POU5F1: variants seen among roughly 807,000 people sequenced by gnomAD.
The protein encoded by POU5F1 is POU class 5 homeobox 1.
POU5F1 carries 6 observed loss-of-function variants against 38.3 expected under a neutral mutation model. The ratio of observed to expected loss-of-function variants is 0.16; its 90% CI spans 0.09 to 0.31. The LOEUF is 0.31. Ranked by LOEUF, POU5F1 falls within the 10% of genes least tolerant of loss-of-function variation. POU5F1 has a pLI of 1.00. For missense variants in POU5F1, 286 were observed against 462.6 expected (o/e 0.62, Z 3.50); for synonymous variants, 147 against 194.9 (o/e 0.75, Z 2.05).
At position 31,164,473 on chromosome 6, in the gene POU5F1, CTT is replaced by C. The variant is rs60004964; in HGVS notation, c.*126_*127del. ...TGCCCCAAACTCCCCTGCCCCCACC[CTT>C]TGTGTTCCCAATTCCTTCCTTAGTG... is the stretch of plus-strand genomic sequence containing the variant. On this transcript the variant is annotated 3_prime_UTR_variant, in exon 5 of 5. Coordinates refer to ENST00000259915, the MANE Select transcript of POU5F1 (RefSeq NM_002701.6). The C allele has an allele frequency of 7.9e-3, 10,602 of 1,333,694 alleles. 347 individuals are homozygous for C. The East Asian group carries it at 0.093, about 12-fold the overall frequency. The allele number at this position is 1,333,694 out of a possible 1,614,324, so 82.6% of individuals were successfully genotyped here.
At chr6:31,166,164 G>A (rs746349953) in intron 1 of POU5F1, 117 bp from the exon 2 acceptor site, 3 of 1,608,552 alleles carry the variant, frequency 1.9e-6, no homozygotes, top group Non-Finnish European at 2.5e-6. Flanking sequence ...CTGTAGAAGT[G>A]CCTCTGCCTT....
intron 1 of POU5F1, chr6:31,166,893 CA>C: frequency 7.6e-7 from 1 of 1,316,230 alleles, no homozygotes; most frequent in Non-Finnish European, 9.9e-7. Flanking sequence ...ACAAACACAG[CA>C]AAAAAGTAAC....
chr6:31,169,989 C>T, intron 1 of POU5F1: 1 of 679,798 alleles, frequency 1.5e-6, no homozygotes, highest in Non-Finnish European at 2.5e-6. Context: ...GGCTGCTCTG[C>T]CCTCACCGGC....
At chr6:31,164,912 T>TAA (rs1561853319) in intron 4 of POU5F1, 45 bp from the exon 5 acceptor site, 25 of 1,588,310 alleles carry the variant, frequency 1.6e-5, no homozygotes, top group Non-Finnish European at 2.0e-5. Context: ...GACAATGAGC[T>TAA]GAGACGGGCC....
At chr6:31,168,816 G>A (rs1446835374) in intron 1 of POU5F1, among the ~76,000 whole-genome samples, 1 of 152,192 alleles carries the variant, frequency 6.6e-6, no homozygotes, top group Non-Finnish European at 1.5e-5. Flanking sequence ...GAGGGTGGGT[G>A]AGAGGAAGGA....
At chr6:31,166,591 G>A (rs1322911050) in intron 1 of POU5F1, 30 of 1,025,078 alleles carry the variant, frequency 2.9e-5, no homozygotes, top group East Asian at 1.1e-4. Context: ...CCCGGGAGGC[G>A]GAGGTTGCAG....
chr6:31,168,201 T>C (rs1777417587), intron 1 of POU5F1, among the ~76,000 whole-genome samples: 1 of 149,970 alleles, frequency 6.7e-6, no homozygotes, highest in African/African-American at 2.5e-5. Flanking sequence ...CCCAAAGTGC[T>C]GGGATTACAG....
rs1777203896 is a variant in POU5F1 at position 31,165,967 on chromosome 6, A to G, written c.486T>C (p.Tyr162=). 6.2e-7 allele frequency: 1 copy of G among 1,614,210 alleles called. No homozygotes were observed. The highest frequency in any genetic ancestry group is 1.1e-5 in the South Asian group (1 of 91,078). Residue 162 remains tyrosine (Y), a synonymous_variant, in exon 2 of 5, where the codon TAT becomes TAC. Transcript: ENST00000259915. This position sits in a 1 kb window ranked among gnomAD's most constrained non-coding sequence, Gnocchi z 6.5. ...LLKQKRITLG[Y]TQADVGLTLG... The stretch of plus-strand genomic sequence containing the variant: ...GGGTGAGCCCCACATCGGCCTGTGT[A>G]TATCCCAGGGTGATCCTCTTCTGCT...
chr6:31,169,739 A>G (rs1243399322), intron 1 of POU5F1, among the ~76,000 whole-genome samples: 1 of 152,172 alleles, frequency 6.6e-6, no homozygotes, highest in African/African-American at 2.4e-5. Context: ...TCCTGGAATG[A>G]GCACTGTTTT....
chr6:31,165,068 G>A lies in POU5F1; in HGVS notation c.816+60C>T. 6.3e-7 allele frequency: 1 copy of A among 1,577,672 alleles called. No homozygotes were observed. Among genetic ancestry groups the A allele is most frequent in the South Asian group, 1.2e-5 (1 of 86,594 alleles). On this transcript the variant is annotated intron_variant, in intron 4 of 4. Transcript: ENST00000259915. The surrounding 1 kb of genome is among the most constrained non-coding windows in gnomAD (Gnocchi z 6.5). Reference sequence around the variant, plus strand: ...AGAGCAGTTGGAGGAGCCAGAGCTAGGGAAAGCGAGGTGGTGACAGGGGAA... The same window carrying A: ...AGAGCAGTTGGAGGAGCCAGAGCTAAGGAAAGCGAGGTGGTGACAGGGGAA...
chr6:31,166,907 G>T lies in POU5F1; in HGVS notation c.406-860C>A, dbSNP rs1238039827. ...CACAAACACAGCAAAAAAGTAACAGGTGTCATAAGAATGGATAAAGTGCTT... is the reference window on the plus strand; with the variant it reads ...CACAAACACAGCAAAAAAGTAACAGTTGTCATAAGAATGGATAAAGTGCTT... On this transcript the variant is annotated intron_variant, in intron 1 of 4. Transcript: ENST00000259915. The T allele has an allele frequency of 1.3e-5, 17 of 1,311,990 alleles. No individual in the cohort carries two copies. The South Asian group carries it at 2.0e-4, about 16-fold the overall frequency. 81.3% of individuals were successfully genotyped at this position (1,311,990 alleles called of 1,614,324 possible). A position where few individuals can be genotyped will look rare whatever the true frequency, so the allele number is the denominator to read the frequency against.
intron 1 of POU5F1, among the ~76,000 whole-genome samples, chr6:31,167,992 G>C (rs957233868): frequency 6.6e-6 from 1 of 152,126 alleles, no homozygotes; most frequent in African/African-American, 2.4e-5. Flanking sequence ...GCCCAGGCTG[G>C]AGTGCTGTGG....
intron 1 of POU5F1, among the ~76,000 whole-genome samples, chr6:31,168,876 T>C (rs1777472691): frequency 6.6e-6 from 1 of 152,198 alleles, no homozygotes; most frequent in Non-Finnish European, 1.5e-5. Context: ...GCATGCCATA[T>C]GAGGCTGCCG....
Position 31,164,879 on chromosome 6 carries a change from T to C in POU5F1, c.817-12A>G, listed in dbSNP as rs9263795. ...CACACTCGGACCACCTGCAAGTGAA[T>C]GACAGAAAGGAGAATGACATTAGAC... On this transcript the variant is annotated splice_polypyrimidine_tract_variant and intron_variant, in intron 4 of 4. Transcript: ENST00000259915. 120,209 of 1,605,982 alleles carry C rather than the reference T, an allele frequency of 0.075. 5,373 individuals carry two copies. Among genetic ancestry groups the C allele is most frequent in the Non-Finnish European group, 0.091 (107,126 of 1,177,556 alleles).
At chr6:31,170,027 C>G (rs3094192) in intron 1 of POU5F1, 189 bp downstream of exon 1, 656,309 of 870,288 alleles carry the variant, frequency 0.75, 249,475 homozygotes, top group African/African-American at 0.85. Context: ...CCAGCTTCCA[C>G]TTCCCACCTG....
Position 31,166,047 on chromosome 6 carries a change from ACTGGATTT to A in POU5F1, c.406-8_406-1del. The A allele has an allele frequency of 6.2e-7, 1 of 1,614,182 alleles. No homozygotes were observed. Among genetic ancestry groups the A allele is most frequent in the Non-Finnish European group, 8.5e-7 (1 of 1,180,040 alleles). ...TTCTGCAGAGCTTTGATGTCCTGGG[ACTGGATTT>A]TAAAAGGCAGAAGACTTGTAAGAAC... On this transcript the variant is annotated splice_acceptor_variant and splice_polypyrimidine_tract_variant and intron_variant, in intron 1 of 4. Transcript: ENST00000259915. LOFTEE classifies it high-confidence loss of function.
chr6:31,166,721 A>AC, intron 1 of POU5F1: 1 of 1,175,488 alleles, frequency 8.5e-7, no homozygotes, highest in Non-Finnish European at 1.1e-6. Context: ...CTCAAGTATC[A>AC]CCCCCAGTTT....
chr6:31,168,538 G>A (rs1008071953), intron 1 of POU5F1, among the ~76,000 whole-genome samples: 4 of 152,182 alleles, frequency 2.6e-5, no homozygotes, highest in African/African-American at 7.2e-5. Flanking sequence ...TCTAGTTGAC[G>A]TGTTGGCCAC....
intron 1 of POU5F1, 126 bp from the exon 2 acceptor site, chr6:31,166,173 T>A (rs1481081875): frequency 6.2e-7 from 1 of 1,600,974 alleles, no homozygotes; most frequent in South Asian, 1.1e-5. Context: ...TGCCTCTGCC[T>A]TCCAAGCTGC....
Sources: gnomAD v4.1 joint callset for allele counts (sites outside exome capture counted in the v4.1 genomes callset) on GRCh38, gnomAD v4.1.1 for gene constraint, Gnocchi (gnomAD v3.1) non-coding constraint, MANE v1.5 for transcripts, NCBI Gene and HGNC (gene_info 2026-07-23, HGNC 2026-07-21) for gene names.